Variants in ADGRV1 observed in about 807,000 individuals in gnomAD.
The protein encoded by ADGRV1 is G-protein coupled receptor 98.
In ADGRV1, 359 loss-of-function variants were observed where a neutral mutation model predicts 596.2. That is an observed-to-expected ratio of 0.60 (90% CI 0.55 to 0.66). ADGRV1 has a LOEUF of 0.66. ADGRV1 is among the 30% of genes least tolerant of loss of function. ADGRV1 has a pLI of 0.00. For missense variants in ADGRV1, 7,274 were observed against 7,575.6 expected (o/e 0.96, Z 1.48); for synonymous variants, 2,681 against 2,679.2 (o/e 1.00, Z -0.02).
chr5:90,563,152 C>T (rs1561291683), intron 1 of ADGRV1, among the ~76,000 whole-genome samples: 1 of 152,108 alleles, frequency 6.6e-6, no homozygotes, highest in Non-Finnish European at 1.5e-5. Context: ...TGATTCTCAG[C>T]AAGACAATGG....
chr5:91,001,224 T>TG (rs907813253), intron 85 of ADGRV1, among the ~76,000 whole-genome samples: 2 of 152,042 alleles, frequency 1.3e-5, no homozygotes, highest in Non-Finnish European at 2.9e-5. Context: ...ACTACAGGCA[T>TG]GTACCACCAC....
intron 85 of ADGRV1, among the ~76,000 whole-genome samples, chr5:90,992,689 G>A (rs1169427143): frequency 3.3e-5 from 5 of 152,062 alleles, no homozygotes; most frequent in Non-Finnish European, 7.4e-5. Flanking sequence ...CTAATTGCTG[G>A]GTTCATTGCA....
Position 90,684,123 on chromosome 5 carries a change from C to A in ADGRV1, c.6202C>A (p.Pro2068Thr), listed in dbSNP as rs1745300201. 6.2e-7 allele frequency: 1 copy of A among 1,613,726 alleles called. No homozygotes were observed. The highest frequency in any genetic ancestry group is 1.1e-5 in the South Asian group (1 of 91,070). ...IAISILDDDE[P>T]ERSESVFIEL... ...TATTTCAATTTTGGATGATGATGAG[C>A]CAGAAAGGTCCGAATCTGTCTTTAT... is the stretch of plus-strand genomic sequence containing the variant. Residue 2068 changes from proline (P) to threonine (T), a missense_variant, in exon 28 of 90, where the codon CCA (proline) becomes ACA (threonine). Pro to Thr is a conservative substitution (Grantham distance 38). Coordinates refer to ENST00000405460, the MANE Select transcript of ADGRV1 (RefSeq NM_032119.4).
chr5:90,659,770 C>CGTGA (rs1769970192), intron 21 of ADGRV1, among the ~76,000 whole-genome samples: 1 of 152,198 alleles, frequency 6.6e-6, no homozygotes. Context: ...CGGTGGCTCA[C>CGTGA]GCCTGTAATC....
At chr5:91,059,948 G>A (rs1787251988) in intron 85 of ADGRV1, among the ~76,000 whole-genome samples, 1 of 151,942 alleles carries the variant, frequency 6.6e-6, no homozygotes, top group Non-Finnish European at 1.5e-5. Flanking sequence ...AGCATATTTA[G>A]GGTTTAGATA....
In ADGRV1 at chr5:90,690,702, G is replaced by C. The variant is rs73193232; in HGVS notation, c.6707-95G>C. On this transcript the variant is annotated intron_variant, in intron 30 of 89. Transcript: ENST00000405460. Reference sequence around the variant, plus strand: ...GGTTATAGCTACTTAGATTGCTTAGGGGGGAAGAGAATCCACTATAGGATG... The same window carrying C: ...GGTTATAGCTACTTAGATTGCTTAGCGGGGAAGAGAATCCACTATAGGATG... The C allele has an allele frequency of 0.021, 26,196 of 1,245,218 alleles. 1,120 individuals are homozygous for C. The highest frequency in any genetic ancestry group is 0.17 in the African/African-American group (11,308 of 67,170). 77.1% of individuals were successfully genotyped at this position (1,245,218 alleles called of 1,614,324 possible).
intron 87 of ADGRV1, among the ~76,000 whole-genome samples, chr5:91,133,063 G>A (rs1385461370): frequency 6.6e-6 from 1 of 152,156 alleles, no homozygotes; most frequent in Non-Finnish European, 1.5e-5. Flanking sequence ...GGAGTGAGCT[G>A]ATAGTGAGAT....
chr5:90,835,686 G>A (rs1256186364), intron 77 of ADGRV1, among the ~76,000 whole-genome samples: 1 of 152,200 alleles, frequency 6.6e-6, no homozygotes, highest in Non-Finnish European at 1.5e-5. Context: ...TGGGTCCCAG[G>A]TGGAAATGGC....
At chr5:90,760,565 G>A (rs1756412928) in intron 58 of ADGRV1, among the ~76,000 whole-genome samples, 1 of 152,110 alleles carries the variant, frequency 6.6e-6, no homozygotes. Flanking sequence ...ATGGGTCTGG[G>A]TGTTACATCC....
At chr5:90,966,398 G>T (rs1778461377) in intron 84 of ADGRV1, among the ~76,000 whole-genome samples, 1 of 151,932 alleles carries the variant, frequency 6.6e-6, no homozygotes, top group Admixed American at 6.6e-5. Context: ...TGGGCGTGGT[G>T]GTGGGCACCT....
At chr5:90,560,681 A>C (rs1754702942) in intron 1 of ADGRV1, among the ~76,000 whole-genome samples, 1 of 152,170 alleles carries the variant, frequency 6.6e-6, no homozygotes, top group African/African-American at 2.4e-5. Flanking sequence ...CTGAGTCTTC[A>C]TACCATTAAA....
At chr5:90,656,984 C>G (rs10062924) in intron 20 of ADGRV1, among the ~76,000 whole-genome samples, 7 of 151,604 alleles carry the variant, frequency 4.6e-5, no homozygotes, top group Non-Finnish European at 1.0e-4. Flanking sequence ...CATCTATTCT[C>G]TTAGTTGTTT....
At chr5:90,565,051 A>T (rs1406457395) in intron 1 of ADGRV1, among the ~76,000 whole-genome samples, 1 of 152,258 alleles carries the variant, frequency 6.6e-6, no homozygotes, top group East Asian at 1.9e-4. Context: ...CCTGACCAAC[A>T]TGGTGAAACC....
At chr5:90,630,978 A>G (rs1025535258) in intron 9 of ADGRV1, among the ~76,000 whole-genome samples, 4 of 152,118 alleles carry the variant, frequency 2.6e-5, no homozygotes, top group African/African-American at 9.7e-5. Context: ...ATTATGCTGT[A>G]GTTTTGTTGT....
intron 72 of ADGRV1, among the ~76,000 whole-genome samples, chr5:90,806,328 G>A (rs533759686): frequency 4.6e-5 from 7 of 152,260 alleles, no homozygotes; most frequent in African/African-American, 1.7e-4. Context: ...TAACTGCCTT[G>A]GATACTGGGG....
chr5:91,011,094 A>G (rs1410991319), intron 85 of ADGRV1, among the ~76,000 whole-genome samples: 1 of 151,988 alleles, frequency 6.6e-6, no homozygotes, highest in East Asian at 1.9e-4. Context: ...GGGAAGGGGT[A>G]TCAGGAGTAT....
intron 21 of ADGRV1, among the ~76,000 whole-genome samples, chr5:90,671,965 A>T (rs1344305175): frequency 6.6e-6 from 1 of 152,200 alleles, no homozygotes; most frequent in Admixed American, 6.5e-5. Context: ...GCCCTCTTTG[A>T]TCTGACTGTT....
chr5:91,105,843 ATT>A (rs1270981106), intron 87 of ADGRV1, among the ~76,000 whole-genome samples: 1 of 151,878 alleles, frequency 6.6e-6, no homozygotes, highest in East Asian at 1.9e-4. Flanking sequence ...TGAAATAAGC[ATT>A]TTATAAATGC....
chr5:90,688,215 A>G (rs545033003), intron 29 of ADGRV1, among the ~76,000 whole-genome samples: 28 of 152,350 alleles, frequency 1.8e-4, no homozygotes, highest in African/African-American at 6.7e-4. Context: ...TCAATGGAAC[A>G]GAACAGAGCC....
Sources: gnomAD v4.1 joint callset for allele counts (sites outside exome capture counted in the v4.1 genomes callset) on GRCh38, gnomAD v4.1.1 for gene constraint, MANE v1.5 for transcripts, NCBI Gene and HGNC (gene_info 2026-07-23, HGNC 2026-07-21) for gene names.